Variants in NBPF9 observed in about 807,000 individuals in gnomAD.
NBPF9 encodes the protein NBPF member 9.
A neutral mutation model predicts 97.8 loss-of-function variants in NBPF9; 91 were observed. That is an observed-to-expected ratio of 0.93 (90% CI 0.79 to 1.11). NBPF9 has a LOEUF of 1.11. NBPF9 is among the 50% of genes least tolerant of loss of function. The pLI is 0.00. For synonymous variants in NBPF9, 334 were observed against 359.5 expected (o/e 0.93, Z 0.80); for missense variants, 992 against 939.5 (o/e 1.06, Z -0.73).
At chr1:149,063,660 G>T (rs782078267) in exon 20 of NBPF9, 18 of 621,510 alleles carry the variant, frequency 2.9e-5, no homozygotes, top group South Asian at 2.4e-4. Flanking sequence ...AAGCCAACAC[G>T]CTGTTGCTCC....
At position 149,078,988 on chromosome 1, in the gene NBPF9, G is replaced by C. The variant is rs2080154386; in HGVS notation, c.493+19C>G. The C allele has an allele frequency of 7.0e-6, 8 of 1,149,604 alleles. No homozygotes were observed. Among genetic ancestry groups the C allele is most frequent in the Non-Finnish European group, 9.0e-6 (7 of 778,084 alleles). The allele number at this position is 1,149,604 out of a possible 1,614,324, so 71.2% of individuals were successfully genotyped here. A position where few individuals can be genotyped will look rare whatever the true frequency, so the allele number is the denominator to read the frequency against. On this transcript the variant is annotated intron_variant, in intron 9 of 29. Transcript: ENST00000584027. ...ATAAGCCTGGGGTTTTGGGTCATCA[G>C]GGCCTATGGCCACCTTACCTGGGCT...
intron 19 of NBPF9, among the ~76,000 whole-genome samples, chr1:149,064,029 C>CACACAG (rs2078846458): frequency 1.6e-5 from 2 of 124,232 alleles, no homozygotes; most frequent in South Asian, 2.7e-4. Context: ...CACACACACA[C>CACACAG]ACACACACAG....
chr1:149,055,408 A>C, exon 30 of NBPF9: 1 of 676,562 alleles, frequency 1.5e-6, no homozygotes, highest in South Asian at 2.0e-5. Context: ...GTTCAAATTA[A>C]AATGTCTGAC....
intron 5 of NBPF9, among the ~76,000 whole-genome samples, chr1:149,085,094 T>C (rs2080881047): frequency 6.6e-6 from 1 of 152,042 alleles, no homozygotes; most frequent in Non-Finnish European, 1.5e-5. Flanking sequence ...ACCATTTTAA[T>C]TTCAGGAGTC....
At chr1:149,097,787 G>A (rs2081885107) in intron 4 of NBPF9, among the ~76,000 whole-genome samples, 1 of 152,154 alleles carries the variant, frequency 6.6e-6, no homozygotes, top group South Asian at 2.1e-4. Context: ...TGAATGCTCA[G>A]TGAAAGAAGG....
chr1:149,085,393 A>T (rs2080906667), intron 5 of NBPF9, among the ~76,000 whole-genome samples: 1 of 152,192 alleles, frequency 6.6e-6, no homozygotes. Context: ...GAAATCTAGC[A>T]GAGTAAGTCC....
rs782280180 is a variant in NBPF9, at chr1:149,075,633, A to C, written c.988+22T>G. 1.9e-6 allele frequency: 3 copies of C among 1,604,264 alleles called. No individual in the cohort carries two copies. In the South Asian group the frequency reaches 3.3e-5, roughly 18 times the overall value. ...CAGGACGTCGTTCATCACTTTCGTGATGGTGAGCCTATAGATCTTACTGTA... is the reference window on the plus strand; with the variant it reads ...CAGGACGTCGTTCATCACTTTCGTGCTGGTGAGCCTATAGATCTTACTGTA... On this transcript the variant is annotated intron_variant, in intron 12 of 29. Transcript: ENST00000584027.
At chr1:149,099,630 TA>T (rs2082013466) in intron 3 of NBPF9, among the ~76,000 whole-genome samples, 1 of 152,170 alleles carries the variant, frequency 6.6e-6, no homozygotes, top group Admixed American at 6.5e-5. Context: ...ACTATATTCA[TA>T]AATAATAGCT....
Position 149,063,562 on chromosome 1 carries a change from C to T in NBPF9, c.2026+71G>A, listed in dbSNP as rs1408284762. On this transcript the variant is annotated intron_variant, in intron 20 of 29. Coordinates refer to ENST00000584027, the Ensembl canonical transcript of NBPF9. ...ACATCTCTCAGCTCAGTAACGGCCA[C>T]TTGCAGTAGGAATATGACCCTAACC... is the stretch of plus-strand genomic sequence containing the variant. 4 of 665,298 alleles carry T rather than the reference C, an allele frequency of 6.0e-6. No homozygotes were observed. In the African/African-American group the frequency reaches 7.8e-5, roughly 13 times the overall value. 41.2% of individuals were successfully genotyped at this position (665,298 alleles called of 1,614,324 possible).
intron 4 of NBPF9, among the ~76,000 whole-genome samples, chr1:149,094,137 A>G (rs1312146624): frequency 2.0e-5 from 3 of 152,154 alleles, no homozygotes; most frequent in Non-Finnish European, 2.9e-5. Context: ...CTCCATCTCC[A>G]AAAGAAAAGA....
At chr1:149,079,506 T>A (rs878859083) in intron 8 of NBPF9, among the ~76,000 whole-genome samples, 1 of 149,834 alleles carries the variant, frequency 6.7e-6, no homozygotes, top group Non-Finnish European at 1.5e-5. Context: ...GAAAGACATC[T>A]TTTCAGTTCC....
At chr1:149,088,233 A>G (rs1482420250) in intron 5 of NBPF9, among the ~76,000 whole-genome samples, 3 of 152,388 alleles carry the variant, frequency 2.0e-5, no homozygotes, top group African/African-American at 7.2e-5. Flanking sequence ...ATACAGAAAT[A>G]CAAAAGACCA....
chr1:149,078,076 A>G (rs2152904325), intron 9 of NBPF9, 121 bp from the exon 10 acceptor site: 2 of 840,170 alleles, frequency 2.4e-6, no homozygotes, highest in East Asian at 5.2e-5. Context: ...GAAAACTCTC[A>G]TGTTTTATCT....
In NBPF9 at chr1:149,058,338, A is replaced by G. The variant is rs1392337841; in HGVS notation, c.2759-123T>C. On this transcript the variant is annotated intron_variant, in intron 26 of 29. Coordinates refer to ENST00000584027, the Ensembl canonical transcript of NBPF9. ...CAGCATGAGAACAGGACAATGTGACAGATATACTTCAGGAGGCCTGAAAGC... is the reference window on the plus strand; with the variant it reads ...CAGCATGAGAACAGGACAATGTGACGGATATACTTCAGGAGGCCTGAAAGC... The G allele has an allele frequency of 2.8e-4, 139 of 488,246 alleles. 1 individual carries two copies. The highest frequency in any genetic ancestry group is 4.3e-4 in the Non-Finnish European group (123 of 286,872). The allele number at this position is 488,246 out of a possible 1,614,324, so 30.2% of individuals were successfully genotyped here.
intron 2 of NBPF9, among the ~76,000 whole-genome samples, chr1:149,101,678 C>T (rs1405274119): frequency 2.0e-5 from 3 of 150,946 alleles, no homozygotes; most frequent in Admixed American, 2.0e-4. Flanking sequence ...TACATTACTG[C>T]ACCCCTACTA....
intron 7 of NBPF9, among the ~76,000 whole-genome samples, chr1:149,081,548 GCTTT>G (rs1426922287): frequency 7.9e-5 from 12 of 152,148 alleles, no homozygotes; most frequent in African/African-American, 2.6e-4. Flanking sequence ...CTAGAACAGA[GCTTT>G]GCCTCTTGGG....
intron 4 of NBPF9, among the ~76,000 whole-genome samples, chr1:149,095,845 C>G (rs2081726967): frequency 6.6e-6 from 1 of 151,790 alleles, no homozygotes; most frequent in Non-Finnish European, 1.5e-5. Context: ...CTCTCCATAG[C>G]TAGTGGAAAT....
intron 11 of NBPF9, among the ~76,000 whole-genome samples, chr1:149,076,300 T>C (rs1200635928): frequency 1.3e-5 from 2 of 150,886 alleles, no homozygotes; most frequent in Admixed American, 6.6e-5. Context: ...CGGGTTCAAG[T>C]GATTCTCATC....
At chr1:149,075,345 T>C (rs1273420971) in intron 12 of NBPF9, among the ~76,000 whole-genome samples, 5 of 152,184 alleles carry the variant, frequency 3.3e-5, no homozygotes, top group African/African-American at 4.8e-5. Context: ...GGATCTTATA[T>C]GGTAGAGAGG....
Sources: gnomAD v4.1 joint callset for allele counts (sites outside exome capture counted in the v4.1 genomes callset) on GRCh38, gnomAD v4.1.1 for gene constraint, MANE v1.5 for transcripts, NCBI Gene and HGNC (gene_info 2026-07-23, HGNC 2026-07-21) for gene names.